Variants in ELP3 observed in about 807,000 individuals in gnomAD.
The protein encoded by ELP3 is elongator complex protein 3.
A neutral mutation model predicts 74.9 loss-of-function variants in ELP3; 56 were observed. The observed-to-expected ratio is 0.75, with a 90% CI of 0.60 to 0.93. The LOEUF (loss-of-function observed/expected upper bound fraction) is 0.93. Among genes scored for constraint, ELP3 ranks in the 40% least tolerant of loss-of-function variants. The pLI is 0.00. For synonymous variants in ELP3, 222 were observed against 239.8 expected, an observed-to-expected ratio of 0.93 and a Z score of 0.68; for missense variants, 573 against 686.5, an observed-to-expected ratio of 0.83 and a Z score of 1.85.
chr8:28,097,398 TC>T, intron 2 of ELP3, 80 bp downstream of exon 2: 1 of 879,768 alleles, frequency 1.1e-6, no homozygotes, highest in Non-Finnish European at 1.8e-6. Context: ...CTACTTGTTT[TC>T]CAGCTCAAGT....
chr8:28,119,617 T>TATATATATATATGAACAC (rs1812284030), intron 7 of ELP3, among the ~76,000 whole-genome samples: 1 of 87,208 alleles, frequency 1.1e-5, no homozygotes, highest in Non-Finnish European at 2.3e-5. Context: ...TATATATATA[T>TATATATATATATGAACAC]ATATATATAT....
At chr8:28,133,098 T>C (rs1006696433) in intron 9 of ELP3, among the ~76,000 whole-genome samples, 1 of 152,174 alleles carries the variant, frequency 6.6e-6, no homozygotes, top group Non-Finnish European at 1.5e-5. Context: ...TATATATGCT[T>C]ATAGATGCAT....
At chr8:28,103,796 G>A (rs1363489278) in intron 3 of ELP3, among the ~76,000 whole-genome samples, 2 of 152,160 alleles carry the variant, frequency 1.3e-5, no homozygotes, top group African/African-American at 4.8e-5. Context: ...GTGGTGGCAT[G>A]ATCACAGCTC....
At chr8:28,129,818 A>G (rs551449190) in intron 8 of ELP3, among the ~76,000 whole-genome samples, 155 bp downstream of exon 8, 1 of 151,962 alleles carries the variant, frequency 6.6e-6, no homozygotes, top group Non-Finnish European at 1.5e-5. Flanking sequence ...TGTGTTCTTA[A>G]TTCCATCCCC....
At chr8:28,109,120 A>G (rs1403240938) in intron 5 of ELP3, among the ~76,000 whole-genome samples, 1 of 152,200 alleles carries the variant, frequency 6.6e-6, no homozygotes, top group East Asian at 1.9e-4. Flanking sequence ...ATTTTAGCGT[A>G]GGAGTCATGA....
At position 28,100,547 on chromosome 8, in the gene ELP3, G is replaced by A. The variant is rs551066385; in HGVS notation, c.258+581G>A. On this transcript the variant is annotated intron_variant, in intron 3 of 14. Transcript: ENST00000256398. Reference sequence around the variant, plus strand: ...CACGCAGGAAATAGCGAGTACGCCAGACTGAAGGGTGTTAACAGTTCAGGA... The same window carrying A: ...CACGCAGGAAATAGCGAGTACGCCAAACTGAAGGGTGTTAACAGTTCAGGA... Among the ~76,000 whole-genome samples, 5 of 152,384 alleles carry A rather than the reference G, an allele frequency of 3.3e-5. No individual in the cohort carries two copies. In the South Asian group the frequency reaches 1.0e-3, roughly 32 times the overall value.
At chr8:28,189,561 G>A in intron 14 of ELP3, 88 bp from the exon 15 acceptor site, 1 of 1,263,674 alleles carries the variant, frequency 7.9e-7, no homozygotes, top group Non-Finnish European at 1.2e-6. Context: ...CTCTGGGTGG[G>A]AGAGAGTGTA....
At chr8:28,111,175 A>G (rs1811901822) in intron 6 of ELP3, among the ~76,000 whole-genome samples, 1 of 152,172 alleles carries the variant, frequency 6.6e-6, no homozygotes, top group Admixed American at 6.5e-5. Flanking sequence ...GTTCTCTATC[A>G]TGGTCATGGT....
intron 10 of ELP3, among the ~76,000 whole-genome samples, chr8:28,153,135 A>AT (rs1813704962): frequency 6.6e-6 from 1 of 152,190 alleles, no homozygotes; most frequent in Non-Finnish European, 1.5e-5. Flanking sequence ...TGGGGTTTAC[A>AT]TGTCATTTGC....
chr8:28,154,010 C>G (rs545701197), intron 10 of ELP3, among the ~76,000 whole-genome samples: 1 of 152,166 alleles, frequency 6.6e-6, no homozygotes, highest in Admixed American at 6.5e-5. Flanking sequence ...GAGAGGAGCA[C>G]TGCCCCAAGT....
At chr8:28,164,419 T>G (rs931028040) in intron 14 of ELP3, among the ~76,000 whole-genome samples, 1 of 152,202 alleles carries the variant, frequency 6.6e-6, no homozygotes, top group Non-Finnish European at 1.5e-5. Context: ...GAAGAACCTT[T>G]CTCTTGTCAG....
chr8:28,137,666 T>C (rs1227802475), intron 9 of ELP3, 32 bp from the exon 10 acceptor site: 2 of 1,602,876 alleles, frequency 1.2e-6, no homozygotes, highest in South Asian at 1.1e-5. Flanking sequence ...GCATAACTAA[T>C]GGAGAAGTCA....
chr8:28,137,953 G>A (rs957197497), intron 10 of ELP3, 62 bp downstream of exon 10: 47 of 1,380,406 alleles, frequency 3.4e-5, no homozygotes, highest in Non-Finnish European at 4.1e-5. Flanking sequence ...ATTTCTCATG[G>A]AAATAGTCTG....
At chr8:28,174,092 A>G (rs1057480369) in intron 14 of ELP3, among the ~76,000 whole-genome samples, 1 of 152,026 alleles carries the variant, frequency 6.6e-6, no homozygotes, top group Non-Finnish European at 1.5e-5. Context: ...CATGTTCTAT[A>G]TATGTCTGTT....
intron 7 of ELP3, among the ~76,000 whole-genome samples, chr8:28,117,282 A>G (rs1403918422): frequency 6.6e-6 from 1 of 152,170 alleles, no homozygotes; most frequent in Non-Finnish European, 1.5e-5. Flanking sequence ...CATCAATTGA[A>G]AGTAAAAATT....
intron 3 of ELP3, 26 bp downstream of exon 3, chr8:28,099,992 C>T (rs201635804): frequency 1.9e-4 from 308 of 1,613,828 alleles, no homozygotes; most frequent in Non-Finnish European, 2.2e-4. Context: ...CATGAGGTAT[C>T]GACACACTGG....
intron 10 of ELP3, among the ~76,000 whole-genome samples, chr8:28,139,962 G>T (rs766416877): frequency 6.6e-6 from 1 of 152,090 alleles, no homozygotes; most frequent in South Asian, 2.1e-4. Flanking sequence ...AAGTAATCTA[G>T]AGGTGATTTA....
At chr8:28,126,321 C>A (rs572547112) in intron 7 of ELP3, among the ~76,000 whole-genome samples, 4 of 152,148 alleles carry the variant, frequency 2.6e-5, no homozygotes, top group Non-Finnish European at 1.5e-5. Context: ...TTTCTCTTCA[C>A]CCCTGCTCCA....
chr8:28,103,269 T>G (rs1811563237), intron 3 of ELP3, among the ~76,000 whole-genome samples: 1 of 152,252 alleles, frequency 6.6e-6, no homozygotes, highest in African/African-American at 2.4e-5. Context: ...GATTGTTTTA[T>G]TGTCTTTAAT....
Sources: allele counts gnomAD v4.1 joint callset (sites outside exome capture counted in the v4.1 genomes callset), GRCh38; gene constraint gnomAD v4.1.1; transcripts MANE v1.5; gene names NCBI Gene and HGNC (gene_info 2026-07-23, HGNC 2026-07-21).